LRRC4C: variants seen among roughly 807,000 people sequenced by gnomAD.
LRRC4C encodes the protein leucine rich repeat containing 4C.
LRRC4C carries 5 observed loss-of-function variants against 33.6 expected under a neutral mutation model. That is an observed-to-expected ratio of 0.15 (90% CI 0.08 to 0.31). The LOEUF is 0.31. Among genes scored for constraint, LRRC4C ranks in the 10% least tolerant of loss-of-function variants. LRRC4C has a pLI of 1.00. For missense variants in LRRC4C, 560 were observed against 796.7 expected (o/e 0.70, Z 3.58); for synonymous variants, 329 against 302.0 (o/e 1.09, Z -0.93).
chr11:40,286,364 G>A (rs1370721794), intron 4 of LRRC4C, among the ~76,000 whole-genome samples: 1 of 151,974 alleles, frequency 6.6e-6, no homozygotes, highest in Non-Finnish European at 1.5e-5. Context: ...TTGTAAACCC[G>A]GGAAGTGTTG....
At chr11:41,335,511 T>C (rs1951425612) in intron 1 of LRRC4C, among the ~76,000 whole-genome samples, 1 of 152,196 alleles carries the variant, frequency 6.6e-6, no homozygotes, top group Non-Finnish European at 1.5e-5. Flanking sequence ...TGCCTGAAAT[T>C]GTTTAATGCA....
At chr11:40,597,231 T>C (rs770994942) in intron 3 of LRRC4C, among the ~76,000 whole-genome samples, 15 of 152,122 alleles carry the variant, frequency 9.9e-5, no homozygotes, top group African/African-American at 4.8e-5. Context: ...TTTGTGCTCA[T>C]TGACTATCAT....
intron 1 of LRRC4C, among the ~76,000 whole-genome samples, chr11:41,273,293 T>C (rs1949376795): frequency 6.6e-6 from 1 of 152,120 alleles, no homozygotes; most frequent in Admixed American, 6.6e-5. Flanking sequence ...TCCAAGAGAA[T>C]TGAAATCAGG....
chr11:41,295,331 A>C (rs1950106999), intron 1 of LRRC4C, among the ~76,000 whole-genome samples: 2 of 152,232 alleles, frequency 1.3e-5, no homozygotes, highest in Admixed American at 6.5e-5. Context: ...CTGAGTCAAT[A>C]GAATATACAA....
chr11:40,269,100 T>C (rs1011335134), intron 4 of LRRC4C, among the ~76,000 whole-genome samples: 52 of 152,298 alleles, frequency 3.4e-4, no homozygotes, highest in African/African-American at 1.1e-3. Context: ...GTATTTAAAA[T>C]CTACAGCTGA....
intron 1 of LRRC4C, among the ~76,000 whole-genome samples, chr11:41,015,395 C>T (rs1855509677): frequency 6.6e-6 from 1 of 152,104 alleles, no homozygotes; most frequent in Non-Finnish European, 1.5e-5. Context: ...GTGGCACAGT[C>T]TTAGCTCACT....
At chr11:40,795,256 C>A (rs186175700) in intron 2 of LRRC4C, among the ~76,000 whole-genome samples, 60 of 152,210 alleles carry the variant, frequency 3.9e-4, no homozygotes, top group Non-Finnish European at 7.1e-4. Context: ...AGACTGGGCG[C>A]GGTGGCTCAC....
intron 5 of LRRC4C, among the ~76,000 whole-genome samples, chr11:40,176,468 A>T (rs1860495983): frequency 6.6e-6 from 1 of 152,140 alleles, no homozygotes; most frequent in African/African-American, 2.4e-5. Context: ...CATGCATGAT[A>T]TTAAAGCAAG....
At chr11:41,195,027 A>C (rs1183645801) in intron 1 of LRRC4C, among the ~76,000 whole-genome samples, 4 of 152,032 alleles carry the variant, frequency 2.6e-5, no homozygotes, top group Admixed American at 6.6e-5. Flanking sequence ...TAAAAAAAAA[A>C]ACTGATGCTT....
intron 3 of LRRC4C, among the ~76,000 whole-genome samples, chr11:40,607,146 C>T (rs1960702608): frequency 6.6e-6 from 1 of 152,032 alleles, no homozygotes; most frequent in Admixed American, 6.6e-5. Context: ...TACGATTTTC[C>T]CATGTAAACA....
At chr11:41,308,735 G>A (rs1300784466) in intron 1 of LRRC4C, among the ~76,000 whole-genome samples, 1 of 151,814 alleles carries the variant, frequency 6.6e-6, no homozygotes, top group African/African-American at 2.4e-5. Context: ...GAAAAAAAAA[G>A]TTGTTTCACA....
At chr11:41,221,219 A>G (rs150233695) in intron 1 of LRRC4C, among the ~76,000 whole-genome samples, 2,893 of 152,162 alleles carry the variant, frequency 0.019, 91 homozygotes, top group African/African-American at 0.067. Flanking sequence ...ACAACCTCAT[A>G]AAAAAGTGGG....
intron 4 of LRRC4C, chr11:40,292,933 C>T (rs1163313369): frequency 6.6e-6 from 1 of 152,080 alleles, no homozygotes; most frequent in African/African-American, 2.4e-5. Context: ...AAAAAAAAGT[C>T]TCCTTTTACA....
intron 3 of LRRC4C, among the ~76,000 whole-genome samples, chr11:40,347,277 C>T (rs1215879624): frequency 6.6e-6 from 1 of 152,206 alleles, no homozygotes; most frequent in Non-Finnish European, 1.5e-5. Flanking sequence ...ACCTTATGAA[C>T]CAATCTCTGC....
intron 1 of LRRC4C, among the ~76,000 whole-genome samples, chr11:41,069,329 A>G (rs756356126): frequency 1.1e-4 from 16 of 152,192 alleles, no homozygotes; most frequent in Non-Finnish European, 2.2e-4. Context: ...AATGGGCAAA[A>G]GCTGGAACCA....
intron 2 of LRRC4C, among the ~76,000 whole-genome samples, chr11:40,713,569 T>A (rs888643831): frequency 4.6e-5 from 7 of 152,182 alleles, no homozygotes; most frequent in Admixed American, 2.0e-4. Flanking sequence ...TTATGAATAT[T>A]TACTTAAAAG....
intron 1 of LRRC4C, among the ~76,000 whole-genome samples, chr11:41,385,943 T>C (rs1953343948): frequency 6.6e-6 from 1 of 151,652 alleles, no homozygotes; most frequent in Non-Finnish European, 1.5e-5. Context: ...GCTTACCTAA[T>C]TGAAAACTGT....
intron 2 of LRRC4C, among the ~76,000 whole-genome samples, chr11:40,855,843 A>C (rs1032852159): frequency 7.2e-5 from 11 of 151,998 alleles, no homozygotes; most frequent in Non-Finnish European, 1.5e-4. Context: ...AGAGAACCCC[A>C]AACTCCCATT....
At chr11:41,352,604 C>G (rs895873952) in intron 1 of LRRC4C, among the ~76,000 whole-genome samples, 1 of 152,014 alleles carries the variant, frequency 6.6e-6, no homozygotes, top group Non-Finnish European at 1.5e-5. Context: ...ACTCTAAGAT[C>G]AAACACACTC....
Sources: gnomAD v4.1 joint callset for allele counts (sites outside exome capture counted in the v4.1 genomes callset) on GRCh38, gnomAD v4.1.1 for gene constraint, MANE v1.5 for transcripts, NCBI Gene and HGNC (gene_info 2026-07-23, HGNC 2026-07-21) for gene names.